The following DCBLD1 variants were observed in gnomAD, a reference collection of about 807,000 sequenced individuals.
DCBLD1 encodes the protein discoidin, CUB and LCCL domain containing 1, also known as discoidin, CUB and LCCL domain-containing protein 1.
In DCBLD1, 57 loss-of-function variants were observed where a neutral mutation model predicts 71.5. The ratio of observed to expected loss-of-function variants is 0.80; its 90% CI spans 0.64 to 0.99. The LOEUF is 0.99. Among genes scored for constraint, DCBLD1 ranks in the 50% least tolerant of loss-of-function variants. DCBLD1 has a pLI of 0.00. For synonymous variants in DCBLD1, 380 were observed against 363.8 expected (o/e 1.04, Z -0.51); for missense variants, 891 against 923.5 (o/e 0.96, Z 0.46).
chr6:117,521,794 A>C (rs968391811), intron 4 of DCBLD1, among the ~76,000 whole-genome samples: 1 of 152,258 alleles, frequency 6.6e-6, no homozygotes, highest in Non-Finnish European at 1.5e-5. Flanking sequence ...CAGGCCATAC[A>C]ATCTCTGTTG....
chr6:117,539,611 A>C (rs1469594761), intron 9 of DCBLD1: 7 of 333,358 alleles, frequency 2.1e-5, no homozygotes, highest in Non-Finnish European at 3.7e-5. Context: ...TTAATTACCC[A>C]AATGTGGTGG....
chr6:117,547,312 C>T (rs1427156142), intron 14 of DCBLD1, among the ~76,000 whole-genome samples: 1 of 152,236 alleles, frequency 6.6e-6, no homozygotes, highest in African/African-American at 2.4e-5. Context: ...TAGTCTCTCT[C>T]TGCCTTGGTT....
chr6:117,533,711 G>A (rs1199488501), intron 6 of DCBLD1, among the ~76,000 whole-genome samples: 1 of 152,170 alleles, frequency 6.6e-6, no homozygotes, highest in African/African-American at 2.4e-5. Context: ...CATAGGCAGT[G>A]GCATTTAGAA....
chr6:117,557,269 T>G (rs1779506248), intron 14 of DCBLD1, among the ~76,000 whole-genome samples: 2 of 152,196 alleles, frequency 1.3e-5, no homozygotes, highest in African/African-American at 4.8e-5. Context: ...AGTCTGTTTT[T>G]AAAAAATATA....
At chr6:117,512,590 C>G (rs1407981889) in intron 2 of DCBLD1, among the ~76,000 whole-genome samples, 1 of 152,152 alleles carries the variant, frequency 6.6e-6, no homozygotes, top group Non-Finnish European at 1.5e-5. Context: ...TATCAGCATA[C>G]CTCTGAGCAC....
downstream of DCBLD1, chr6:117,549,924 C>T: frequency 9.0e-6 from 8 of 888,188 alleles, no homozygotes; most frequent in Non-Finnish European, 1.1e-5. Context: ...TAGGCCAGAC[C>T]CCAATCTACC....
At chr6:117,508,097 C>T (rs1421351460) in intron 2 of DCBLD1, 1 of 152,062 alleles carries the variant, frequency 6.6e-6, no homozygotes, top group Non-Finnish European at 1.5e-5. Context: ...TGAAAGGACT[C>T]AAATATAAGG....
At chr6:117,500,619 C>A (rs185498020) in intron 1 of DCBLD1, among the ~76,000 whole-genome samples, 1 of 152,304 alleles carries the variant, frequency 6.6e-6, no homozygotes, top group East Asian at 1.9e-4. Flanking sequence ...GTAATCCCAG[C>A]ACTTTGGGAG....
At chr6:117,504,863 A>G (rs1419532838) in intron 2 of DCBLD1, among the ~76,000 whole-genome samples, 3 of 152,214 alleles carry the variant, frequency 2.0e-5, no homozygotes, top group Non-Finnish European at 4.4e-5. Flanking sequence ...CACAACTTTT[A>G]AAATGATATA....
At chr6:117,498,534 G>A (rs150046018) in intron 1 of DCBLD1, among the ~76,000 whole-genome samples, 22 of 152,164 alleles carry the variant, frequency 1.4e-4, no homozygotes, top group Admixed American at 6.5e-4. Flanking sequence ...TAGATAGGTG[G>A]CACTTTACTG....
intron 2 of DCBLD1, among the ~76,000 whole-genome samples, chr6:117,510,567 T>G (rs190925656): frequency 2.0e-4 from 30 of 152,332 alleles, no homozygotes; most frequent in Admixed American, 9.2e-4. Flanking sequence ...GAGCCAGGAA[T>G]TACGTTTTAT....
chr6:117,542,690 A>G (rs1448762295), intron 11 of DCBLD1, among the ~76,000 whole-genome samples: 5 of 152,080 alleles, frequency 3.3e-5, no homozygotes, highest in East Asian at 1.9e-4. Flanking sequence ...GTTATGGTAC[A>G]GGTCCAAACC....
At chr6:117,493,734 A>G (rs1777375955) in intron 1 of DCBLD1, among the ~76,000 whole-genome samples, 1 of 152,156 alleles carries the variant, frequency 6.6e-6, no homozygotes, top group Non-Finnish European at 1.5e-5. Context: ...AGGTCAGACT[A>G]GCTTCAGGTT....
chr6:117,544,193 A>G (rs1779189569), intron 12 of DCBLD1: 1 of 209,562 alleles, frequency 4.8e-6, no homozygotes, highest in Non-Finnish European at 9.4e-6. Flanking sequence ...GGAGTATAGT[A>G]GAGATGAAGT....
chr6:117,516,135 C>T (rs946714970), intron 2 of DCBLD1, among the ~76,000 whole-genome samples: 4 of 151,666 alleles, frequency 2.6e-5, no homozygotes. Context: ...GGGCAGATCA[C>T]GAGGTCCGGA....
At position 117,549,130 on chromosome 6, in the gene DCBLD1, A is replaced by AG; in HGVS notation, c.*696dup. The stretch of plus-strand genomic sequence containing the variant: ...CCCGTTTCCTTAGTCTCCACTTCAG[A>AG]GGGGGATGCGAAGAGGTCGGCCCAG... On this transcript the variant is annotated 3_prime_UTR_variant, in exon 15 of 15. Coordinates refer to ENST00000338728, the MANE Select transcript of DCBLD1 (RefSeq NM_001366458.2). The AG allele has an allele frequency of 1.0e-6, 1 of 985,682 alleles. No individual in the cohort carries two copies. Among genetic ancestry groups the AG allele is most frequent in the African/African-American group, 1.7e-5 (1 of 57,352 alleles). 61.1% of individuals were successfully genotyped at this position (985,682 alleles called of 1,614,324 possible).
intron 7 of DCBLD1, 67 bp downstream of exon 7, chr6:117,537,292 T>C (rs112120142): frequency 0.14 from 212,679 of 1,502,490 alleles, 16,207 homozygotes; most frequent in Non-Finnish European, 0.16. Flanking sequence ...CCCAGCACTT[T>C]GGGAGGCCGA....
chr6:117,521,619 G>T, intron 4 of DCBLD1, 43 bp downstream of exon 4: 1 of 1,508,138 alleles, frequency 6.6e-7, no homozygotes, highest in South Asian at 1.3e-5. Flanking sequence ...GTGTATTGCT[G>T]AACATTTTGT....
chr6:117,482,940 G>A (rs1197904168), intron 1 of DCBLD1, 47 bp downstream of exon 1: 1 of 1,157,072 alleles, frequency 8.6e-7, no homozygotes, highest in Non-Finnish European at 1.1e-6. Flanking sequence ...GGCGCCAGGG[G>A]CGGGCTGAGG....
Sources: allele counts gnomAD v4.1 joint callset (sites outside exome capture counted in the v4.1 genomes callset), GRCh38; gene constraint gnomAD v4.1.1; transcripts MANE v1.5; gene names NCBI Gene and HGNC (gene_info 2026-07-23, HGNC 2026-07-21).